Variants in RCC2 observed in about 807,000 individuals in gnomAD.
RCC2 encodes the protein regulator of chromosome condensation 2.
A neutral mutation model predicts 64.1 loss-of-function variants in RCC2; 19 were observed. The observed-to-expected ratio is 0.30, with a 90% confidence interval of 0.21 to 0.44. The LOEUF (loss-of-function observed/expected upper bound fraction) is 0.44. Among genes scored for constraint, RCC2 ranks in the 20% least tolerant of loss-of-function variants. RCC2 has a pLI of 1.00. For synonymous variants in RCC2, 325 were observed against 279.6 expected (o/e 1.16, Z -1.62); for missense variants, 508 against 710.4 (o/e 0.72, Z 3.24).
chr1:17,436,888 G>T (rs571039752), intron 2 of RCC2, among the ~76,000 whole-genome samples: 1 of 152,340 alleles, frequency 6.6e-6, no homozygotes, highest in South Asian at 2.1e-4. Context: ...AAGGAAAACA[G>T]TTCCTGTGTT....
At chr1:17,421,110 T>C (rs1290234818) in intron 6 of RCC2, among the ~76,000 whole-genome samples, 1 of 152,142 alleles carries the variant, frequency 6.6e-6, no homozygotes, top group African/African-American at 2.4e-5. Flanking sequence ...CTTCATCACC[T>C]AGACCACTAA....
In RCC2 at chr1:17,438,473, C is replaced by T. The variant is rs375247524; in HGVS notation, c.42G>A (p.Pro14=). 131 of 1,338,310 alleles carry T rather than the reference C, an allele frequency of 9.8e-5. No individual in the cohort carries two copies. In the East Asian group the frequency reaches 2.2e-3, roughly 22 times the overall value. The allele number at this position is 1,338,310 out of a possible 1,614,324, so 82.9% of individuals were successfully genotyped here. ...CGCGGGCAGTGCCGTTGCCCGAGCTCGGCTCCTCCCAGGCCGCCGCCGCCG... is the reference window on the plus strand; with the variant it reads ...CGCGGGCAGTGCCGTTGCCCGAGCTTGGCTCCTCCCAGGCCGCCGCCGCCG... The part of the protein sequence containing the change: ...KKAAAAAWEE[P]SSGNGTARAG... The change falls in exon 2 of 13, where the codon CCG becomes CCA. Residue 14 remains proline (P), a synonymous_variant. Transcript: ENST00000375436.
At chr1:17,425,777 T>G in intron 3 of RCC2, 93 bp from the exon 4 acceptor site, 91 of 1,267,786 alleles carry the variant, frequency 7.2e-5, no homozygotes, top group Non-Finnish European at 8.9e-5. Flanking sequence ...TTCCCGAGGG[T>G]ACCAGGGACA....
At position 17,409,997 on chromosome 1, in the gene RCC2, G is replaced by A. The variant is rs2075407372; in HGVS notation, c.1441C>T (p.Leu481=). The A allele has an allele frequency of 6.2e-7, 1 of 1,613,868 alleles. No homozygotes were observed. The highest frequency in any genetic ancestry group is 1.7e-5 in the Admixed American group (1 of 59,998). ...ACCTGCTCTGAGAAAATGCCATCCA[G>A]AGTCTTTACCTCCTGGGCTGCAGTG... ...SSTAAQEVKT[L]DGIFSEQVAM... is the part of the protein sequence containing the mutation. Residue 481 remains leucine, a synonymous_variant, in exon 12 of 13, where the codon CTG becomes TTG. Coordinates refer to ENST00000375436, the MANE Select transcript of RCC2 (RefSeq NM_018715.4).
At chr1:17,439,264 G>C (rs1006264880) in intron 1 of RCC2, among the ~76,000 whole-genome samples, 1 of 149,368 alleles carries the variant, frequency 6.7e-6, no homozygotes, top group Non-Finnish European at 1.5e-5. Flanking sequence ...GCCGGTCTCC[G>C]ATTCGACTGC....
Position 17,408,929 on chromosome 1 carries a change from C to A in RCC2, c.*161G>T, listed in dbSNP as rs1417163298. 3.2e-6 allele frequency: 2 copies of A among 616,944 alleles called. No individual in the cohort carries two copies. Among genetic ancestry groups the A allele is most frequent in the East Asian group, 5.2e-5 (2 of 38,568 alleles). The allele number at this position is 616,944 out of a possible 1,614,324, so 38.2% of individuals were successfully genotyped here. A position where few individuals can be genotyped will look rare whatever the true frequency, so the allele number is the denominator to read the frequency against. ...AGCATACAGAAAAAAAGGTAGTTAA[C>A]GTTGGATCATGTGTAAAACGGAACC... On this transcript the variant is annotated 3_prime_UTR_variant, in exon 13 of 13. Coordinates refer to ENST00000375436, the MANE Select transcript of RCC2 (RefSeq NM_018715.4).
Position 17,407,002 on chromosome 1 carries a change from G to A in RCC2, c.*2088C>T. The A allele has an allele frequency of 6.6e-6, 1 of 152,098 alleles. No homozygotes were observed. The highest frequency in any genetic ancestry group is 1.5e-5 in the Non-Finnish European group (1 of 68,008). The allele number at this position is 152,098 out of a possible 1,614,324, so 9.4% of individuals were successfully genotyped here. ...CCGGGCAACTGTGTACCTTTCTCTA[G>A]GAGTGCACGACACCCTTCCCCCACA... On this transcript the variant is annotated 3_prime_UTR_variant, in exon 13 of 13. Coordinates refer to ENST00000375436, the MANE Select transcript of RCC2 (RefSeq NM_018715.4).
chr1:17,438,425 G>A lies in RCC2; in HGVS notation c.90C>T (p.Gly30=), dbSNP rs1402113096. 4.3e-5 allele frequency: 55 copies of A among 1,278,588 alleles called. No individual in the cohort carries two copies. Among genetic ancestry groups the A allele is most frequent in the Non-Finnish European group, 5.2e-5 (53 of 1,016,740 alleles). 79.2% of individuals were successfully genotyped at this position (1,278,588 alleles called of 1,614,324 possible). Residue 30 remains glycine, a synonymous_variant, in exon 2 of 13, where the codon GGC becomes GGT. Transcript: ENST00000375436. ...GCCGCTCGCGCTTCCTGCCCGCCGGGCCGCCGCGTTTCCTGGGCCCGGCGC... is the reference window on the plus strand; with the variant it reads ...GCCGCTCGCGCTTCCTGCCCGCCGGACCGCCGCGTTTCCTGGGCCCGGCGC... ...TARAGPRKRG[G]PAGRKRERPE... is the part of the protein sequence containing the mutation.
Position 17,409,006 on chromosome 1 carries a change from T to C in RCC2, c.*84A>G. The C allele has an allele frequency of 9.1e-7, 1 of 1,097,060 alleles. No homozygotes were observed. Among genetic ancestry groups the C allele is most frequent in the Non-Finnish European group, 1.4e-6 (1 of 714,946 alleles). 68.0% of individuals were successfully genotyped at this position (1,097,060 alleles called of 1,614,324 possible). On this transcript the variant is annotated 3_prime_UTR_variant, in exon 13 of 13. Coordinates refer to ENST00000375436, the MANE Select transcript of RCC2 (RefSeq NM_018715.4). The stretch of plus-strand genomic sequence containing the variant: ...TTCGGTCAACTTTTGCTTTTTTAAA[T>C]TCCTCGTTTGACTTCCCGTCCCAGT...
At position 17,424,472 on chromosome 1, in the gene RCC2, C is replaced by T. The variant is rs879517615; in HGVS notation, c.523+1069G>A. Reference sequence around the variant, plus strand: ...GGGGTGCTCTGGGGGAAGGGACACACATCTATGCCAACCGGGAGAAAACAA... The same window carrying T: ...GGGGTGCTCTGGGGGAAGGGACACATATCTATGCCAACCGGGAGAAAACAA... On this transcript the variant is annotated intron_variant, in intron 4 of 12. Coordinates refer to ENST00000375436, the MANE Select transcript of RCC2 (RefSeq NM_018715.4). Among the ~76,000 whole-genome samples, 18 of 152,216 alleles carry T rather than the reference C, an allele frequency of 1.2e-4. 1 individual carries two copies. Among genetic ancestry groups the T allele is most frequent in the Admixed American group, 2.6e-4 (4 of 15,284 alleles).
rs1294265964 is a variant in RCC2, at chr1:17,431,266, G to A, written c.286-2067C>T. On this transcript the variant is annotated intron_variant, in intron 2 of 12. Coordinates refer to ENST00000375436, the MANE Select transcript of RCC2 (RefSeq NM_018715.4). ...GGAGATTGGTGTGAACCCAGGAGGC[G>A]GAGCTTGCAGTGAGCCAAGATCGCA... is the stretch of plus-strand genomic sequence containing the variant. Among the ~76,000 whole-genome samples the A allele has an allele frequency of 1.1e-3, 157 of 142,880 alleles. 1 individual carries two copies. The highest frequency in any genetic ancestry group is 2.7e-3 in the African/African-American group (103 of 38,392). 93.7% of individuals were successfully genotyped at this position (142,880 alleles called of 152,430 possible).
At chr1:17,428,657 G>A (rs548280075) in intron 3 of RCC2, among the ~76,000 whole-genome samples, 1 of 152,306 alleles carries the variant, frequency 6.6e-6, no homozygotes, top group South Asian at 2.1e-4. Context: ...GCTCCAGACT[G>A]TTCTGTCAAA....
intron 2 of RCC2, 72 bp downstream of exon 2, chr1:17,438,158 C>G: frequency 9.4e-7 from 1 of 1,068,522 alleles, no homozygotes. Flanking sequence ...GGCTGGAACG[C>G]GCGCCGTGCC....
At chr1:17,433,415 C>T (rs531870588) in intron 2 of RCC2, among the ~76,000 whole-genome samples, 3 of 152,214 alleles carry the variant, frequency 2.0e-5, no homozygotes, top group East Asian at 1.9e-4. Flanking sequence ...GGGCTCCACC[C>T]GGGGCGGCGG....
At chr1:17,430,391 TGAGG>T (rs1412158898) in intron 2 of RCC2, among the ~76,000 whole-genome samples, 14 of 151,004 alleles carry the variant, frequency 9.3e-5, no homozygotes, top group African/African-American at 3.4e-4. Flanking sequence ...CTTGGGAGGC[TGAGG>T]TGGGAGGATT....
chr1:17,435,714 C>T (rs2100398361), intron 2 of RCC2, among the ~76,000 whole-genome samples: 1 of 152,124 alleles, frequency 6.6e-6, no homozygotes, highest in East Asian at 1.9e-4. Flanking sequence ...ATCAGGAGTT[C>T]GAGACCAGCC....
At chr1:17,412,659 G>C (rs970365030) in intron 10 of RCC2, among the ~76,000 whole-genome samples, 1 of 152,238 alleles carries the variant, frequency 6.6e-6, no homozygotes, top group Non-Finnish European at 1.5e-5. Flanking sequence ...TCAGCAAGAA[G>C]TGCTAGCTAA....
intron 11 of RCC2, among the ~76,000 whole-genome samples, 188 bp downstream of exon 11, chr1:17,411,934 C>T (rs879077418): frequency 1.3e-5 from 2 of 152,344 alleles, no homozygotes; most frequent in South Asian, 4.1e-4. Context: ...TCAGAATTAT[C>T]TGACTAGCAC....
intron 8 of RCC2, among the ~76,000 whole-genome samples, chr1:17,414,363 T>C (rs1417730845): frequency 6.6e-6 from 1 of 151,800 alleles, no homozygotes. Flanking sequence ...AACCCATCTC[T>C]ACTAAAATAC....
Sources: gnomAD v4.1 joint callset for allele counts (sites outside exome capture counted in the v4.1 genomes callset) on GRCh38, gnomAD v4.1.1 for gene constraint, MANE v1.5 for transcripts, NCBI Gene and HGNC (gene_info 2026-07-23, HGNC 2026-07-21) for gene names.